The following PSD3 variants were observed in gnomAD, a reference collection of about 807,000 sequenced individuals.
PSD3 encodes the protein PH and SEC7 domain-containing protein 3.
Under a neutral mutation model 105.5 loss-of-function variants are expected in PSD3, and 49 were observed. That is an observed-to-expected ratio of 0.46 (90% CI 0.37 to 0.59). The LOEUF is 0.59. Among genes scored for constraint, PSD3 ranks in the 20% least tolerant of loss-of-function variants. PSD3 has a pLI of 0.00. For missense variants in PSD3, 1,561 were observed against 1,263.8 expected, an observed-to-expected ratio of 1.24 and a Z score of -3.57; for synonymous variants, 557 against 457.8, an observed-to-expected ratio of 1.22 and a Z score of -2.77.
chr8:18,637,275 C>T (rs540654959), intron 10 of PSD3, among the ~76,000 whole-genome samples: 6 of 152,262 alleles, frequency 3.9e-5, no homozygotes, highest in African/African-American at 9.6e-5. Flanking sequence ...AAACACATTC[C>T]TTCGTTATAG....
intron 1 of PSD3, among the ~76,000 whole-genome samples, chr8:18,993,206 T>C (rs544407701): frequency 6.6e-6 from 1 of 152,324 alleles, no homozygotes; most frequent in East Asian, 1.9e-4. Flanking sequence ...GTTTTCTCTT[T>C]AGATCATATT....
chr8:18,994,073 C>T (rs1825940670), intron 1 of PSD3, among the ~76,000 whole-genome samples: 1 of 151,984 alleles, frequency 6.6e-6, no homozygotes, highest in Admixed American at 6.6e-5. Context: ...CACTTACCCA[C>T]TGTGTGATCT....
intron 1 of PSD3, among the ~76,000 whole-genome samples, chr8:19,073,798 C>CTTTT (rs71218923): frequency 6.9e-6 from 1 of 145,486 alleles, no homozygotes; most frequent in Non-Finnish European, 1.5e-5. Context: ...TTTTCTTTTT[C>CTTTT]TTTTTTTTTT....
chr8:18,693,875 G>A (rs556913936), intron 9 of PSD3, among the ~76,000 whole-genome samples: 18 of 152,268 alleles, frequency 1.2e-4, no homozygotes, highest in African/African-American at 4.3e-4. Flanking sequence ...TGTTTTTGGA[G>A]CCAGGAATCC....
intron 1 of PSD3, among the ~76,000 whole-genome samples, chr8:19,042,417 C>T (rs1049420785): frequency 1.3e-5 from 2 of 152,148 alleles, no homozygotes; most frequent in Non-Finnish European, 2.9e-5. Context: ...GACAGATACA[C>T]TAAATCTAGG....
At chr8:18,588,413 G>A (rs1003959256) in intron 12 of PSD3, among the ~76,000 whole-genome samples, 3 of 152,138 alleles carry the variant, frequency 2.0e-5, no homozygotes, top group East Asian at 1.9e-4. Flanking sequence ...TTAAAAAAGA[G>A]CATTAAGAAG....
intron 2 of PSD3, among the ~76,000 whole-genome samples, chr8:18,921,116 C>CT (rs35293198): frequency 6.6e-6 from 1 of 152,156 alleles, no homozygotes; most frequent in East Asian, 1.9e-4. Flanking sequence ...ATGTAAACTA[C>CT]TTTTTTTAAC....
At chr8:18,778,963 C>A (rs1044646870) in intron 8 of PSD3, among the ~76,000 whole-genome samples, 1 of 151,964 alleles carries the variant, frequency 6.6e-6, no homozygotes, top group Non-Finnish European at 1.5e-5. Context: ...TAATTCTGGC[C>A]TCATGGAACA....
chr8:18,581,106 G>A lies in PSD3; in HGVS notation c.2482-5821C>T, dbSNP rs142021999. On this transcript the variant is annotated intron_variant, in intron 12 of 15. Transcript: ENST00000327040. ...TAGCAAAGGCTTGTCAAAGCACTTG[G>A]CTAGCGGATGACTCACTCTGTAACG... is the stretch of plus-strand genomic sequence containing the variant. Among the ~76,000 whole-genome samples, 130 of 152,280 alleles carry A rather than the reference G, an allele frequency of 8.5e-4. 2 individuals are homozygous for A. Among genetic ancestry groups the A allele is most frequent in the East Asian group, 5.2e-3 (27 of 5,174 alleles).
At chr8:18,789,828 G>A (rs335251) in intron 8 of PSD3, among the ~76,000 whole-genome samples, 2 of 151,930 alleles carry the variant, frequency 1.3e-5, no homozygotes, top group Admixed American at 6.5e-5. Flanking sequence ...TCAATTTGCA[G>A]AAAGTAAGAA....
chr8:18,708,566 T>C (rs1026712508), intron 9 of PSD3, among the ~76,000 whole-genome samples: 14 of 152,174 alleles, frequency 9.2e-5, no homozygotes, highest in African/African-American at 3.4e-4. Context: ...CAAAAGTTTT[T>C]ACTCTAACCT....
rs570505594 is a variant in PSD3, at chr8:18,992,046, C to T, written c.21+21517G>A. Among the ~76,000 whole-genome samples, 7 of 152,264 alleles carry T rather than the reference C, an allele frequency of 4.6e-5. No individual in the cohort carries two copies. In the East Asian group the frequency reaches 1.2e-3, roughly 25 times the overall value. On this transcript the variant is annotated intron_variant, in intron 1 of 15. Transcript: ENST00000327040. The stretch of plus-strand genomic sequence containing the variant: ...GTGAAAATGTCCATCAAACCTAGGT[C>T]GGTCAAATTCCATCATGAATTCATA...
chr8:18,572,568 C>T lies in PSD3; in HGVS notation c.2744G>A (p.Ser915Asn), dbSNP rs1563334866. Reference sequence around the variant, plus strand: ...TGTAGTGGCAGGCAGAAGTGGGCGGCTAAACTTCTTCTGAGAGCCGATTGC... The same window carrying T: ...TGTAGTGGCAGGCAGAAGTGGGCGGTTAAACTTCTTCTGAGAGCCGATTGC... Reference protein sequence around the residue: ...PAAIGSQKKFSRPLLPATTTK... With the variant: ...PAAIGSQKKFNRPLLPATTTK... The change falls in exon 14 of 16, where the codon AGC (serine) becomes AAC (asparagine). Residue 915 changes from serine to asparagine, a missense_variant. By Grantham distance (46) the Ser-to-Asn change is conservative (BLOSUM62 1). Coordinates refer to ENST00000327040, the MANE Select transcript of PSD3 (RefSeq NM_015310.4). 4 of 1,613,988 alleles carry T rather than the reference C, an allele frequency of 2.5e-6. No individual in the cohort carries two copies. Among genetic ancestry groups the T allele is most frequent in the Non-Finnish European group, 2.5e-6 (3 of 1,179,924 alleles).
At chr8:18,677,562 T>G (rs1173705450) in intron 9 of PSD3, among the ~76,000 whole-genome samples, 1 of 152,090 alleles carries the variant, frequency 6.6e-6, no homozygotes, top group Non-Finnish European at 1.5e-5. Context: ...AGTTTTTATT[T>G]TGGGGCAAGT....
intron 2 of PSD3, among the ~76,000 whole-genome samples, chr8:18,903,862 C>T (rs1357998576): frequency 6.6e-6 from 1 of 152,094 alleles, no homozygotes; most frequent in Admixed American, 6.6e-5. Flanking sequence ...GAAGGTGTGA[C>T]TTCTCCGAGT....
intron 1 of PSD3, among the ~76,000 whole-genome samples, chr8:19,075,171 C>T (rs1180710202): frequency 6.6e-6 from 1 of 150,964 alleles, no homozygotes; most frequent in Non-Finnish European, 1.5e-5. Flanking sequence ...TGGCCTCGAA[C>T]TCCGGACTTC....
intron 1 of PSD3, among the ~76,000 whole-genome samples, chr8:19,006,967 G>T (rs1826709512): frequency 6.6e-6 from 1 of 151,970 alleles, no homozygotes; most frequent in Non-Finnish European, 1.5e-5. Context: ...AAAGTCAACT[G>T]CAGCCAGCTG....
At chr8:18,922,224 C>T (rs562978963) in intron 2 of PSD3, among the ~76,000 whole-genome samples, 1 of 152,260 alleles carries the variant, frequency 6.6e-6, no homozygotes, top group African/African-American at 2.4e-5. Context: ...TCTCAAGGAC[C>T]TAAAGTTTAC....
At chr8:18,762,976 T>G in intron 9 of PSD3, 2 of 1,240,666 alleles carry the variant, frequency 1.6e-6, no homozygotes, top group Non-Finnish European at 2.1e-6. Context: ...CTGTGATCTC[T>G]GAGGACAGGT....
Sources: allele counts gnomAD v4.1 joint callset (sites outside exome capture counted in the v4.1 genomes callset), GRCh38; gene constraint gnomAD v4.1.1; transcripts MANE v1.5; gene names NCBI Gene and HGNC (gene_info 2026-07-23, HGNC 2026-07-21).